Variants in ROR1 observed in about 807,000 individuals in gnomAD.
ROR1 encodes ROR family WNT receptor 1, also known as inactive tyrosine-protein kinase transmembrane receptor ROR1.
A neutral mutation model predicts 78.8 loss-of-function variants in ROR1; 19 were observed. The ratio of observed to expected loss-of-function variants is 0.24; its 90% CI spans 0.17 to 0.35. The LOEUF is 0.35. ROR1 is among the 10% of genes least tolerant of loss of function. ROR1 has a pLI of 1.00. For missense variants in ROR1, 917 were observed against 1,177.8 expected (o/e 0.78, Z 3.24); for synonymous variants, 386 against 433.6 (o/e 0.89, Z 1.36).
chr1:64,138,001 C>CCATTGG (rs1404620080), intron 5 of ROR1, among the ~76,000 whole-genome samples: 1 of 152,214 alleles, frequency 6.6e-6, no homozygotes, highest in African/African-American at 2.4e-5. Context: ...AGCAAGATGA[C>CCATTGG]CATTGGTCTC....
chr1:64,093,330 C>T (rs1008640371), intron 4 of ROR1, among the ~76,000 whole-genome samples: 1 of 152,008 alleles, frequency 6.6e-6, no homozygotes, highest in African/African-American at 2.4e-5. Flanking sequence ...GGGGGTAGCT[C>T]GGCCTTAACA....
At position 64,050,808 on chromosome 1, in the gene ROR1, A is replaced by G; in HGVS notation, c.482+92A>G. ...AATGTTGTCCTCTTCTTAAGCCAAA[A>G]TACTGGCTTCCAGATGTCATTCCAT... On this transcript the variant is annotated intron_variant, in intron 4 of 8. Coordinates refer to ENST00000371079, the MANE Select transcript of ROR1 (RefSeq NM_005012.4). The G allele has an allele frequency of 2.4e-6, 3 of 1,239,230 alleles. No individual in the cohort carries two copies. The South Asian group carries it at 3.6e-5, about 15-fold the overall frequency. 76.8% of individuals were successfully genotyped at this position (1,239,230 alleles called of 1,614,324 possible).
chr1:64,083,608 A>AC (rs1478249809), intron 4 of ROR1, among the ~76,000 whole-genome samples: 14 of 150,798 alleles, frequency 9.3e-5, no homozygotes, highest in Admixed American at 9.3e-4. Flanking sequence ...AAAAAAAAAA[A>AC]CAACCATTGT....
At chr1:63,889,457 C>A (rs1645379488) in intron 1 of ROR1, among the ~76,000 whole-genome samples, 1 of 152,156 alleles carries the variant, frequency 6.6e-6, no homozygotes, top group Non-Finnish European at 1.5e-5. Flanking sequence ...GGGATTTGAA[C>A]ACTGATCTGG....
intron 7 of ROR1, chr1:64,143,007 T>C: frequency 9.1e-7 from 1 of 1,095,590 alleles, no homozygotes; most frequent in Non-Finnish European, 1.1e-6. Context: ...AAAAAAGGAA[T>C]ATTGGAAGCA....
chr1:63,914,108 TA>T (rs1313193307), intron 1 of ROR1, among the ~76,000 whole-genome samples: 2 of 152,066 alleles, frequency 1.3e-5, no homozygotes, highest in Non-Finnish European at 2.9e-5. Context: ...GTTTTAAGAT[TA>T]AAAAAAATAA....
chr1:63,774,141 C>G lies in ROR1; in HGVS notation c.-277C>G. On this transcript the variant is annotated 5_prime_UTR_variant, in exon 1 of 9. Coordinates refer to ENST00000371079, the MANE Select transcript of ROR1 (RefSeq NM_005012.4). The surrounding 1 kb of genome is among the most constrained non-coding windows in gnomAD (Gnocchi z 5.7). ...TCTCGGAGTCCGACCCAGGGCGACT[C>G]ACGCCCACTGGTGCGACCCGGACAG... 1 of 199,488 alleles carries G rather than the reference C, an allele frequency of 5.0e-6. No homozygotes were observed. The highest frequency in any genetic ancestry group is 1.0e-5 in the Non-Finnish European group (1 of 99,436). The allele number at this position is 199,488 out of a possible 1,614,324, so 12.4% of individuals were successfully genotyped here.
At chr1:63,845,899 A>C (rs1162209309) in intron 1 of ROR1, among the ~76,000 whole-genome samples, 1 of 152,140 alleles carries the variant, frequency 6.6e-6, no homozygotes, top group Admixed American at 6.5e-5. Flanking sequence ...AAAGATCATG[A>C]AGCTTAGATG....
At chr1:63,938,642 CA>C (rs1243704588) in intron 1 of ROR1, among the ~76,000 whole-genome samples, 1 of 152,210 alleles carries the variant, frequency 6.6e-6, no homozygotes. Context: ...TCACATCTTT[CA>C]CTAAGGTAGG....
chr1:63,890,704 T>TTGAAACTCC (rs1305349930), intron 1 of ROR1, among the ~76,000 whole-genome samples: 2 of 148,964 alleles, frequency 1.3e-5, no homozygotes, highest in Admixed American at 1.3e-4. Flanking sequence ...GGTGGAGGAG[T>TTGAAACTCC]TTCAGGTAGA....
chr1:64,025,681 G>A (rs1418637643), intron 2 of ROR1, among the ~76,000 whole-genome samples: 1 of 151,968 alleles, frequency 6.6e-6, no homozygotes, highest in Non-Finnish European at 1.5e-5. Flanking sequence ...ATACTTCTCA[G>A]CCATAAAAAG....
intron 1 of ROR1, among the ~76,000 whole-genome samples, chr1:63,784,029 A>C (rs569469769): frequency 6.6e-6 from 1 of 152,120 alleles, no homozygotes; most frequent in East Asian, 1.9e-4. Flanking sequence ...GCCAAACTGC[A>C]TTGCAGTTTT....
intron 1 of ROR1, among the ~76,000 whole-genome samples, chr1:63,897,989 G>A (rs1645453327): frequency 6.6e-6 from 1 of 152,196 alleles, no homozygotes; most frequent in Non-Finnish European, 1.5e-5. Flanking sequence ...GGAGAGGGAA[G>A]GCGTGGAGGG....
chr1:63,948,656 C>T (rs1268152317), intron 1 of ROR1, among the ~76,000 whole-genome samples: 1 of 152,168 alleles, frequency 6.6e-6, no homozygotes, highest in Non-Finnish European at 1.5e-5. Flanking sequence ...GAAACCCTAA[C>T]CCCCAATATG....
chr1:64,052,467 A>G (rs982863884), intron 4 of ROR1, among the ~76,000 whole-genome samples: 1 of 152,134 alleles, frequency 6.6e-6, no homozygotes, highest in Non-Finnish European at 1.5e-5. Flanking sequence ...AATTATGATT[A>G]TATCCTTCTA....
chr1:63,983,986 G>A (rs921782994), intron 1 of ROR1, among the ~76,000 whole-genome samples: 13 of 152,104 alleles, frequency 8.5e-5, no homozygotes, highest in African/African-American at 3.1e-4. Flanking sequence ...TCTTAGCAAG[G>A]CACACATAAC....
At chr1:64,018,246 C>T (rs535618044) in intron 2 of ROR1, among the ~76,000 whole-genome samples, 16 of 152,218 alleles carry the variant, frequency 1.1e-4, no homozygotes, top group African/African-American at 3.4e-4. Context: ...GGAGGGGAAA[C>T]GGAGATTATA....
chr1:63,974,443 G>GT (rs1314542182), intron 1 of ROR1, among the ~76,000 whole-genome samples: 1 of 152,100 alleles, frequency 6.6e-6, no homozygotes, highest in Non-Finnish European at 1.5e-5. Context: ...AATATGAGGT[G>GT]TTTTTCATTG....
rs140756838 is a variant in ROR1, at chr1:64,106,340, C to T, written c.483-31029C>T. 3.3e-3 allele frequency: 502 copies of T among 152,220 alleles called. 5 individuals are homozygous for T. Among genetic ancestry groups the T allele is most frequent in the South Asian group, 0.02 (96 of 4,814 alleles). 9.4% of individuals were successfully genotyped at this position (152,220 alleles called of 1,614,324 possible). A position where few individuals can be genotyped will look rare whatever the true frequency, so the allele number is the denominator to read the frequency against. On this transcript the variant is annotated intron_variant, in intron 4 of 8. Transcript: ENST00000371079. ...CTGAGACTTTGCTGAAGTTGCTCAC[C>T]AGCTTAAGGAGTTTTTGGGGTGAGA...
Sources: gnomAD v4.1 joint callset for allele counts (sites outside exome capture counted in the v4.1 genomes callset) on GRCh38, gnomAD v4.1.1 for gene constraint, Gnocchi (gnomAD v3.1) non-coding constraint, MANE v1.5 for transcripts, NCBI Gene and HGNC (gene_info 2026-07-23, HGNC 2026-07-21) for gene names.